C8G: variants seen among roughly 807,000 people sequenced by gnomAD.
The protein encoded by C8G is complement component C8 gamma chain.
Under a neutral mutation model 29.1 loss-of-function variants are expected in C8G, and 38 were observed. The ratio of observed to expected loss-of-function variants is 1.31; its 90% confidence interval spans 1.01 to 1.71. C8G has a LOEUF of 1.71. C8G is among the 40% of genes most tolerant of loss of function. The pLI, the probability that C8G is intolerant of heterozygous loss-of-function variation, is 0.00. For missense variants in C8G, 300 were observed against 267.4 expected, an observed-to-expected ratio of 1.12 and a Z score of -0.85; for synonymous variants, 158 against 113.2, an observed-to-expected ratio of 1.40 and a Z score of -2.51.
rs1851010641 is a variant in C8G at position 136,945,656 on chromosome 9, T to C, written c.161T>C (p.Val54Ala). ...CAGTTTGCAGGGACCTGGCTCCTTG[T>C]GGCTGTGGGCTCCGCTTGCCGTTTC... ...AQQFAGTWLL[V>A]AVGSACRFLQ... Residue 54 changes from valine to alanine, a missense_variant, in exon 2 of 7, where the codon GTG becomes GCG. Coordinates refer to ENST00000371634, the MANE Select transcript of C8G (RefSeq NM_000606.3). 1 of 1,609,654 alleles carries C rather than the reference T, an allele frequency of 6.2e-7. No individual in the cohort carries two copies.
In C8G at chr9:136,946,670, C is replaced by A. The variant is rs751166677; in HGVS notation, c.576C>A (p.Asp192Glu). 1.2e-6 allele frequency: 2 copies of A among 1,612,974 alleles called. No homozygotes were observed. Among genetic ancestry groups the A allele is most frequent in the Admixed American group, 1.7e-5 (1 of 60,016 alleles). Residue 192 changes from aspartate to glutamate, a missense_variant, in exon 6 of 7, where the codon GAC (aspartate) becomes GAA (glutamate). By Grantham distance (45) the Asp-to-Glu change is conservative. Coordinates refer to ENST00000371634, the MANE Select transcript of C8G (RefSeq NM_000606.3). Reference protein sequence around the residue: ...FPKYGFCEAADQFHVLDEVRR With the variant: ...FPKYGFCEAAEQFHVLDEVRR ...CCCCAGGCTTCTGCGAGGCTGCAGA[C>A]CAGTTCCACGTCCTGGACGGTGAGT...
chr9:136,946,128 C>G lies in C8G; in HGVS notation c.390C>G (p.Thr130=), dbSNP rs20574. 2 of 1,585,672 alleles carry G rather than the reference C, an allele frequency of 1.3e-6. No homozygotes were observed. Among genetic ancestry groups the G allele is most frequent in the Admixed American group, 1.7e-5 (1 of 57,900 alleles). Residue 130 remains threonine (T), a synonymous_variant, in exon 4 of 7, where the codon ACC becomes ACG. Coordinates refer to ENST00000371634, the MANE Select transcript of C8G (RefSeq NM_000606.3). ...RGAVHVVVAE[T]DYQSFAVLYL... is the part of the protein sequence containing the mutation. ...CTGTGCACGTGGTTGTCGCTGAGACCGACTACCAGAGTTTCGCTGTCCTGT... is the reference window on the plus strand; with the variant it reads ...CTGTGCACGTGGTTGTCGCTGAGACGGACTACCAGAGTTTCGCTGTCCTGT...
At position 136,946,845 on chromosome 9, in the gene C8G, G is replaced by A. The variant is rs1851056507; in HGVS notation, c.*64G>A. 2 of 1,514,610 alleles carry A rather than the reference G, an allele frequency of 1.3e-6. No homozygotes were observed. The highest frequency in any genetic ancestry group is 1.8e-6 in the Non-Finnish European group (2 of 1,126,388). 93.8% of individuals were successfully genotyped at this position (1,514,610 alleles called of 1,614,324 possible). ...CGAGAGACGACCCCACCAGTGGGGT[G>A]CCCGCTGCCTGTCCTCCGTGAAACC... On this transcript the variant is annotated 3_prime_UTR_variant, in exon 7 of 7. Transcript: ENST00000371634.
At chr9:136,945,840 T>C (rs1207422047) in intron 2 of C8G, 70 bp downstream of exon 2, 18 of 1,541,878 alleles carry the variant, frequency 1.2e-5, no homozygotes, top group Non-Finnish European at 1.6e-5. Context: ...AGCCCTGCTC[T>C]GGCCCCTGAC....
rs1564440885 is a variant in C8G, at chr9:136,945,442, A to C, written c.122A>C (p.Asn41Thr). The change falls in exon 1 of 7, where the codon AAT (asparagine) becomes ACT (threonine). Residue 41 changes from asparagine to threonine, a missense_variant. Asn to Thr is a moderately conservative substitution (Grantham distance 65). Coordinates refer to ENST00000371634, the MANE Select transcript of C8G (RefSeq NM_000606.3). ...SPISTIQPKA[N>T]FDAQQFAGTW... ...ATCAGCACCATCCAGCCCAAGGCCA[A>C]TTTTGATGCTCAGCAGGTAGAAGTT... 1 of 1,580,348 alleles carries C rather than the reference A, an allele frequency of 6.3e-7. No homozygotes were observed. Among genetic ancestry groups the C allele is most frequent in the East Asian group, 2.3e-5 (1 of 43,330 alleles).
chr9:136,945,256 C>G lies in C8G; in HGVS notation c.-65C>G. On this transcript the variant is annotated 5_prime_UTR_variant, in exon 1 of 7. Transcript: ENST00000371634. ...GGGCTCTGTGACAGCAGAGTAGACT[C>G]TGTCCTGGGACTTGGTGGTGCTACC... The G allele has an allele frequency of 6.6e-7, 1 of 1,523,554 alleles. No homozygotes were observed. Among genetic ancestry groups the G allele is most frequent in the Non-Finnish European group, 8.8e-7 (1 of 1,133,686 alleles). 94.4% of individuals were successfully genotyped at this position (1,523,554 alleles called of 1,614,324 possible).
intron 5 of C8G, 32 bp downstream of exon 5, chr9:136,946,598 C>T (rs1851048957): frequency 1.9e-6 from 3 of 1,612,464 alleles, no homozygotes; most frequent in Admixed American, 3.3e-5. Flanking sequence ...CCAGCTCAGC[C>T]ACCCCCACTC....
chr9:136,946,518 C>T lies in C8G; in HGVS notation c.508C>T (p.Gln170Ter), dbSNP rs1230416297. Residue 170 changes from glutamine (Q) to a stop codon, truncating the protein, a stop_gained, in exon 5 of 7, where the codon CAG becomes TAG. Coordinates refer to ENST00000371634, the MANE Select transcript of C8G (RefSeq NM_000606.3). LOFTEE classifies it high-confidence loss of function. The part of the protein sequence containing the change: ...SVLSGFEQRV[Q>*]EAHLTEDQIF... The stretch of plus-strand genomic sequence containing the variant: ...CCTGAGTGGGTTTGAGCAGCGGGTC[C>T]AGGAGGCCCACCTGACTGAGGACCA... 3 of 1,612,896 alleles carry T rather than the reference C, an allele frequency of 1.9e-6. No homozygotes were observed. The highest frequency in any genetic ancestry group is 1.7e-5 in the Admixed American group (1 of 59,984).
rs781703553 is a variant in C8G at position 136,946,702 on chromosome 9, C to CG, written c.595+17dup. ...CACGTCCTGGACGGTGAGTGCACAG[C>CG]GGGGCAAGCATGGCGGCGTGGTGAG... On this transcript the variant is annotated intron_variant, in intron 6 of 6. Coordinates refer to ENST00000371634, the MANE Select transcript of C8G (RefSeq NM_000606.3). The CG allele has an allele frequency of 2.5e-6, 4 of 1,611,584 alleles. No individual in the cohort carries two copies. In the South Asian group the frequency reaches 4.4e-5, roughly 18 times the overall value.
intron 4 of C8G, 70 bp downstream of exon 4, chr9:136,946,262 G>A (rs1851036031): frequency 7.0e-7 from 1 of 1,430,200 alleles, no homozygotes; most frequent in African/African-American, 1.4e-5. Context: ...CCACCCCGAG[G>A]GGCTGGGTGA....
chr9:136,945,271 G>A lies in C8G; in HGVS notation c.-50G>A, dbSNP rs1237447225. 2 of 1,545,016 alleles carry A rather than the reference G, an allele frequency of 1.3e-6. No individual in the cohort carries two copies. Among genetic ancestry groups the A allele is most frequent in the Non-Finnish European group, 8.8e-7 (1 of 1,142,684 alleles). On this transcript the variant is annotated 5_prime_UTR_variant, in exon 1 of 7. The change creates a new upstream start codon in the 5' untranslated region. Coordinates refer to ENST00000371634, the MANE Select transcript of C8G (RefSeq NM_000606.3). ...AGAGTAGACTCTGTCCTGGGACTTG[G>A]TGGTGCTACCCTTGGCCTCCCACAG...
Position 136,946,813 on chromosome 9 carries a change from A to G in C8G, c.*32A>G. 2 of 1,553,054 alleles carry G rather than the reference A, an allele frequency of 1.3e-6. No homozygotes were observed. Among genetic ancestry groups the G allele is most frequent in the Non-Finnish European group, 1.7e-6 (2 of 1,154,518 alleles). ...CACACAGCTCCAGTGCTGAGAAGTC[A>G]GTGCCCCGAGAGACGACCCCACCAG... On this transcript the variant is annotated 3_prime_UTR_variant, in exon 7 of 7. Transcript: ENST00000371634.
At chr9:136,945,802 C>T (rs1851016385) in intron 2 of C8G, 32 bp downstream of exon 2, 1 of 1,540,702 alleles carries the variant, frequency 6.5e-7, no homozygotes, top group Non-Finnish European at 8.8e-7. Flanking sequence ...CACCCTAACC[C>T]CAACCCTCCT....
rs756883071 is a variant in C8G, at chr9:136,945,440, C to T, written c.120C>T (p.Ala40=). 8 of 1,581,946 alleles carry T rather than the reference C, an allele frequency of 5.1e-6. No individual in the cohort carries two copies. The highest frequency in any genetic ancestry group is 6.9e-6 in the Non-Finnish European group (8 of 1,164,210). Reference sequence around the variant, plus strand: ...CCATCAGCACCATCCAGCCCAAGGCCAATTTTGATGCTCAGCAGGTAGAAG... The same window carrying T: ...CCATCAGCACCATCCAGCCCAAGGCTAATTTTGATGCTCAGCAGGTAGAAG... The part of the protein sequence containing the change: ...ASPISTIQPK[A]NFDAQQFAGT... The change falls in exon 1 of 7, where the codon GCC becomes GCT. Residue 40 remains alanine (A), a synonymous_variant. Transcript: ENST00000371634.
At position 136,946,817 on chromosome 9, in the gene C8G, C is replaced by T. The variant is rs1851056021; in HGVS notation, c.*36C>T. On this transcript the variant is annotated 3_prime_UTR_variant, in exon 7 of 7. Coordinates refer to ENST00000371634, the MANE Select transcript of C8G (RefSeq NM_000606.3). ...CAGCTCCAGTGCTGAGAAGTCAGTG[C>T]CCCGAGAGACGACCCCACCAGTGGG... 3 of 1,547,670 alleles carry T rather than the reference C, an allele frequency of 1.9e-6. No homozygotes were observed. Among genetic ancestry groups the T allele is most frequent in the Non-Finnish European group, 2.6e-6 (3 of 1,151,764 alleles).
chr9:136,945,335 G>A lies in C8G; in HGVS notation c.15G>A (p.Gly5=), dbSNP rs753459326. The part of the protein sequence containing the change: MLPP[G]TATLLTLLLA... ...CTGCCGCCACCATGCTGCCCCCTGG[G>A]ACTGCGACCCTCTTGACTCTGCTCC... Residue 5 remains glycine (G), a synonymous_variant, in exon 1 of 7, where the codon GGG becomes GGA. Coordinates refer to ENST00000371634, the MANE Select transcript of C8G (RefSeq NM_000606.3). 9 of 1,610,876 alleles carry A rather than the reference G, an allele frequency of 5.6e-6. No individual in the cohort carries two copies. The South Asian group carries it at 7.7e-5, about 14-fold the overall frequency.
At chr9:136,946,728 G>A (rs775966586) in intron 6 of C8G, 39 bp downstream of exon 6, 1 of 1,609,438 alleles carries the variant, frequency 6.2e-7, no homozygotes, top group African/African-American at 1.3e-5. Flanking sequence ...GCGTGGTGAG[G>A]GGGGCCACTG....
chr9:136,946,895 C>A lies in C8G; in HGVS notation c.*114C>A. 2 of 1,326,564 alleles carry A rather than the reference C, an allele frequency of 1.5e-6. No homozygotes were observed. The highest frequency in any genetic ancestry group is 2.5e-5 in the South Asian group (2 of 79,982). 82.2% of individuals were successfully genotyped at this position (1,326,564 alleles called of 1,614,324 possible). On this transcript the variant is annotated 3_prime_UTR_variant, in exon 7 of 7. Coordinates refer to ENST00000371634, the MANE Select transcript of C8G (RefSeq NM_000606.3). ...CAGCCTCAGATCAGGGCCCTGCCAC[C>A]CAGGGCAGGGGATCTTCTGCCGGCT...
chr9:136,946,198 T>G lies in C8G; in HGVS notation c.454+6T>G, dbSNP rs772485605. ...GCTGTCAGTGAAGCTCTACGGTATG[T>G]GGGGGCCAGCCTCTGTGACCAGGCA... On this transcript the variant is annotated splice_donor_region_variant and intron_variant, in intron 4 of 6. Transcript: ENST00000371634. 1 of 1,551,304 alleles carries G rather than the reference T, an allele frequency of 6.4e-7. No individual in the cohort carries two copies.
Sources: gnomAD v4.1 joint callset for allele counts on GRCh38, gnomAD v4.1.1 for gene constraint, MANE v1.5 for transcripts, NCBI Gene and HGNC (gene_info 2026-07-23, HGNC 2026-07-21) for gene names.